EGFLAM: variants seen among roughly 807,000 people sequenced by gnomAD.
EGFLAM encodes the protein pikachurin.
A neutral mutation model predicts 113.1 loss-of-function variants in EGFLAM; 79 were observed. The observed-to-expected ratio is 0.70, with a 90% CI of 0.58 to 0.84. The LOEUF (loss-of-function observed/expected upper bound fraction) is 0.84. EGFLAM is among the 40% of genes least tolerant of loss of function. EGFLAM has a pLI of 0.00. For synonymous variants in EGFLAM, 504 were observed against 487.6 expected, an observed-to-expected ratio of 1.03 and a Z score of -0.44; for missense variants, 1,265 against 1,291.6, an observed-to-expected ratio of 0.98 and a Z score of 0.32.
intron 10 of EGFLAM, among the ~76,000 whole-genome samples, chr5:38,410,859 A>T (rs1022103922): frequency 5.9e-5 from 9 of 152,190 alleles, no homozygotes; most frequent in Non-Finnish European, 1.3e-4. Flanking sequence ...TTTATATTTT[A>T]TGAATATCAC....
In EGFLAM at chr5:38,463,851, T is replaced by C. The variant is rs773122455; in HGVS notation, c.2895T>C (p.Ala965=). The change falls in exon 22 of 22, where the codon GCT becomes GCC. Residue 965 remains alanine, a synonymous_variant. Transcript: ENST00000322350. The part of the protein sequence containing the change: ...ALYVGGMKEI[A]LHTNRQYMRG... Reference sequence around the variant, plus strand: ...TGGCAGGTGGAATGAAGGAAATTGCTCTGCACACTAACAGGCAATATATGA... The same window carrying C: ...TGGCAGGTGGAATGAAGGAAATTGCCCTGCACACTAACAGGCAATATATGA... The C allele has an allele frequency of 2.5e-6, 4 of 1,613,888 alleles. No individual in the cohort carries two copies. Among genetic ancestry groups the C allele is most frequent in the South Asian group, 2.2e-5 (2 of 91,038 alleles).
intron 3 of EGFLAM, among the ~76,000 whole-genome samples, chr5:38,345,140 T>G (rs2111968289): frequency 6.6e-6 from 1 of 152,304 alleles, no homozygotes; most frequent in South Asian, 2.1e-4. Context: ...AAAGTCATGG[T>G]GTGTTTCATG....
At chr5:38,423,156 T>TAAA (rs1174773450) in intron 12 of EGFLAM, among the ~76,000 whole-genome samples, 4 of 152,222 alleles carry the variant, frequency 2.6e-5, no homozygotes, top group African/African-American at 9.6e-5. Flanking sequence ...ACCATTATTT[T>TAAA]AGTCTTTCAA....
chr5:38,330,775 G>C (rs2111924089), intron 1 of EGFLAM, among the ~76,000 whole-genome samples: 1 of 152,200 alleles, frequency 6.6e-6, no homozygotes, highest in Admixed American at 6.5e-5. Context: ...TTCTACAAGG[G>C]ACTGATAAAT....
At chr5:38,285,824 T>G (rs754186914) in intron 1 of EGFLAM, 2 of 152,224 alleles carry the variant, frequency 1.3e-5, no homozygotes, top group South Asian at 4.1e-4. Context: ...TCAGTTCTCT[T>G]GGGGACTCAC....
chr5:38,407,767 A>T, intron 8 of EGFLAM, 38 bp from the exon 9 acceptor site: 1 of 1,506,920 alleles, frequency 6.6e-7, no homozygotes, highest in Non-Finnish European at 9.2e-7. Flanking sequence ...AGAAGTGAGG[A>T]AATAGCATTC....
At chr5:38,370,548 C>A in intron 6 of EGFLAM, 86 bp downstream of exon 6, 1 of 1,466,242 alleles carries the variant, frequency 6.8e-7, no homozygotes, top group East Asian at 2.5e-5. Context: ...GGATGCCGTG[C>A]AGAAGGACAG....
rs180977046 is a variant in EGFLAM at position 38,352,247 on chromosome 5, C to T, written c.461C>T (p.Ser154Leu). ...APQQPHVIVV[S>L]DSEVALSWKP... ...CAGCAGCCACATGTCATTGTGGTTTCGGATTCTGAGGTGGCCCTGTCTTGG... is the reference window on the plus strand; with the variant it reads ...CAGCAGCCACATGTCATTGTGGTTTTGGATTCTGAGGTGGCCCTGTCTTGG... Residue 154 changes from serine to leucine, a missense_variant, in exon 5 of 22, where the codon TCG becomes TTG. Coordinates refer to ENST00000322350, the MANE Select transcript of EGFLAM (RefSeq NM_152403.4). 4.6e-5 allele frequency: 74 copies of T among 1,614,072 alleles called. No individual in the cohort carries two copies. In the African/African-American group the frequency reaches 7.9e-4, roughly 17 times the overall value.
At chr5:38,305,124 G>GA (rs1261838557) in intron 1 of EGFLAM, among the ~76,000 whole-genome samples, 1 of 151,394 alleles carries the variant, frequency 6.6e-6, no homozygotes, top group African/African-American at 2.4e-5. Flanking sequence ...GAAGAAAAGA[G>GA]AAAAAACCAA....
Position 38,463,770 on chromosome 5 carries a change from C to T in EGFLAM, c.2876-62C>T, listed in dbSNP as rs182358456. On this transcript the variant is annotated intron_variant, in intron 21 of 21. Transcript: ENST00000322350. ...ATTCAAGTGCCCCAAACTGGAACCC[C>T]GACCTTGCCCTGCGGACACCTGTCC... The T allele has an allele frequency of 1.0e-4, 166 of 1,590,664 alleles. No homozygotes were observed. The African/African-American group carries it at 1.9e-3, about 18-fold the overall frequency.
intron 6 of EGFLAM, among the ~76,000 whole-genome samples, chr5:38,379,654 A>AGG (rs1561057182): frequency 2.0e-5 from 3 of 151,904 alleles, no homozygotes; most frequent in Admixed American, 1.3e-4. Flanking sequence ...AATCAGCCAC[A>AGG]GCAAAGCGGC....
At chr5:38,405,438 T>A (rs1486248821) in intron 6 of EGFLAM, among the ~76,000 whole-genome samples, 1 of 152,200 alleles carries the variant, frequency 6.6e-6, no homozygotes, top group Admixed American at 6.5e-5. Context: ...TCAAACTAGA[T>A]GCATTCTTTT....
chr5:38,343,995 C>T (rs1230351325), intron 3 of EGFLAM, among the ~76,000 whole-genome samples: 1 of 152,222 alleles, frequency 6.6e-6, no homozygotes, highest in Non-Finnish European at 1.5e-5. Flanking sequence ...CTCCTCTCAG[C>T]TGTGCTCATC....
intron 6 of EGFLAM, among the ~76,000 whole-genome samples, chr5:38,400,702 C>T (rs932001878): frequency 9.9e-5 from 15 of 152,088 alleles, no homozygotes; most frequent in African/African-American, 3.6e-4. Context: ...TGGGAAATGA[C>T]TATTATCCTG....
intron 1 of EGFLAM, among the ~76,000 whole-genome samples, chr5:38,293,980 A>C (rs994794395): frequency 6.6e-6 from 1 of 152,152 alleles, no homozygotes; most frequent in African/African-American, 2.4e-5. Context: ...CTTTCTTTTT[A>C]AAATTACTCT....
intron 1 of EGFLAM, among the ~76,000 whole-genome samples, chr5:38,279,797 A>G (rs769698122): frequency 1.3e-5 from 2 of 152,200 alleles, no homozygotes; most frequent in African/African-American, 4.8e-5. Flanking sequence ...CAAGAGATCT[A>G]TTGTACAGCA....
At chr5:38,287,319 A>C (rs780148795) in intron 1 of EGFLAM, among the ~76,000 whole-genome samples, 2 of 152,212 alleles carry the variant, frequency 1.3e-5, no homozygotes, top group African/African-American at 2.4e-5. Context: ...GTTAAGGCGT[A>C]TATGTGCCTA....
intron 11 of EGFLAM, among the ~76,000 whole-genome samples, chr5:38,413,770 C>A (rs1006629706): frequency 1.3e-5 from 2 of 152,162 alleles, no homozygotes; most frequent in African/African-American, 4.8e-5. Context: ...GGTCCCCAAC[C>A]TTTTTGGCAC....
intron 12 of EGFLAM, among the ~76,000 whole-genome samples, chr5:38,421,073 C>T (rs928312692): frequency 2.6e-5 from 4 of 152,174 alleles, no homozygotes; most frequent in Non-Finnish European, 4.4e-5. Flanking sequence ...GTAAGTCAAA[C>T]GCAGCCTCAC....
Sources: allele counts gnomAD v4.1 joint callset (sites outside exome capture counted in the v4.1 genomes callset), GRCh38; gene constraint gnomAD v4.1.1; transcripts MANE v1.5; gene names NCBI Gene and HGNC (gene_info 2026-07-23, HGNC 2026-07-21).